Variants in SLC22A16 observed in about 807,000 individuals in gnomAD.
SLC22A16 encodes the protein WUGSC:RG331P03.1.
SLC22A16 carries 53 observed loss-of-function variants against 52.9 expected under a neutral mutation model. The observed-to-expected ratio is 1.00, with a 90% CI of 0.80 to 1.26. SLC22A16 has a LOEUF of 1.26. Among genes scored for constraint, SLC22A16 ranks in the 50% most tolerant of loss-of-function variants. The pLI is 0.00. For missense variants in SLC22A16, 726 were observed against 704.0 expected (o/e 1.03, Z -0.35); for synonymous variants, 291 against 268.8 (o/e 1.08, Z -0.81).
intron 7 of SLC22A16, among the ~76,000 whole-genome samples, chr6:110,427,194 G>A (rs1284960639): frequency 7.8e-5 from 11 of 141,848 alleles, no homozygotes; most frequent in Admixed American, 5.3e-4. Flanking sequence ...GTTGCATTGA[G>A]CCAAGATTGC....
intron 1 of SLC22A16, chr6:110,476,274 G>A: frequency 8.1e-7 from 1 of 1,239,362 alleles, no homozygotes; most frequent in Non-Finnish European, 1.1e-6. Flanking sequence ...CCTCCTGCCC[G>A]GCAACAGGCG....
At chr6:110,473,383 T>A (rs1776326587) in intron 1 of SLC22A16, among the ~76,000 whole-genome samples, 1 of 151,410 alleles carries the variant, frequency 6.6e-6, no homozygotes, top group African/African-American at 2.4e-5. Context: ...TTCAGTCTTC[T>A]CAATTTCTTT....
chr6:110,437,309 A>G (rs987711805), intron 5 of SLC22A16, among the ~76,000 whole-genome samples: 1 of 152,222 alleles, frequency 6.6e-6, no homozygotes, highest in East Asian at 1.9e-4. Context: ...CTTCCCTATT[A>G]GTGTAGAACT....
chr6:110,474,833 A>G, intron 1 of SLC22A16: 1 of 477,084 alleles, frequency 2.1e-6, no homozygotes, highest in South Asian at 1.6e-5. Context: ...CATTTGAGGA[A>G]TCTGTTTGAT....
chr6:110,456,810 C>T lies in SLC22A16; in HGVS notation c.261G>A (p.Thr87=), dbSNP rs535206254. ...LLSSGQKDYV[T]VQLQNGEIWE... is the part of the protein sequence containing the mutation. The stretch of plus-strand genomic sequence containing the variant: ...AGATCTCACCATTCTGCAACTGCAC[C>T]GTAACATAATCTTTCTGGCCTGAAG... Residue 87 remains threonine (T), a synonymous_variant, in exon 2 of 8, where the codon ACG becomes ACA. Transcript: ENST00000368919. 4.0e-5 allele frequency: 64 copies of T among 1,614,140 alleles called. 1 individual carries two copies. Among genetic ancestry groups the T allele is most frequent in the African/African-American group, 2.3e-4 (17 of 75,008 alleles).
chr6:110,471,210 A>T (rs1024760257), intron 1 of SLC22A16, among the ~76,000 whole-genome samples: 1 of 152,174 alleles, frequency 6.6e-6, no homozygotes, highest in Non-Finnish European at 1.5e-5. Context: ...AATACTTCCC[A>T]TTGTGTTACA....
In SLC22A16 at chr6:110,446,906, G is replaced by A. The variant is rs549268080; in HGVS notation, c.618C>T (p.Tyr206=). Reference sequence around the variant, plus strand: ...GAAAAAAGCGAGCAGCCATGAAGGTGTAATAATCAACTGCAAACGCCGCTG... The same window carrying A: ...GAAAAAAGCGAGCAGCCATGAAGGTATAATAATCAACTGCAAACGCCGCTG... ...GIAAAFAVDY[Y]TFMAARFFLA... is the part of the protein sequence containing the mutation. Residue 206 remains tyrosine, a synonymous_variant, in exon 3 of 8, where the codon TAC becomes TAT. Transcript: ENST00000368919. The A allele has an allele frequency of 9.9e-6, 16 of 1,613,030 alleles. No individual in the cohort carries two copies. The African/African-American group carries it at 1.6e-4, about 16-fold the overall frequency.
At chr6:110,442,099 T>C in intron 4 of SLC22A16, 145 bp downstream of exon 4, 1 of 729,276 alleles carries the variant, frequency 1.4e-6, no homozygotes, top group Non-Finnish European at 2.2e-6. Context: ...GATATCATAA[T>C]AATATGGTTG....
At chr6:110,446,683 A>C (rs1447843418) in intron 3 of SLC22A16, among the ~76,000 whole-genome samples, 190 bp downstream of exon 3, 4 of 152,178 alleles carry the variant, frequency 2.6e-5, no homozygotes, top group Non-Finnish European at 2.9e-5. Flanking sequence ...AGCCAGCAAC[A>C]ATTTTTCACT....
In SLC22A16 at chr6:110,438,734, T is replaced by A. The variant is rs1425887034; in HGVS notation, c.1297A>T (p.Met433Leu). The change falls in exon 5 of 8, where the codon ATG (methionine) becomes TTG (leucine). Residue 433 changes from methionine (M) to leucine (L), a missense_variant. Met to Leu is a conservative substitution (Grantham distance 15, BLOSUM62 2). Transcript: ENST00000368919. The stretch of plus-strand genomic sequence containing the variant: ...AGATAACTCACCTGGGGGATCACCA[T>A]AACGACACCACAGGCCAGTGCACTG... The part of the protein sequence containing the change: ...FCSALACGVV[M>L]VIPQKHYILG... 3.1e-6 allele frequency: 5 copies of A among 1,613,490 alleles called. 1 individual carries two copies. The South Asian group carries it at 3.3e-5, about 11-fold the overall frequency.
intron 2 of SLC22A16, among the ~76,000 whole-genome samples, chr6:110,450,664 A>T (rs1229518370): frequency 1.3e-5 from 2 of 150,002 alleles, no homozygotes; most frequent in Non-Finnish European, 3.0e-5. Context: ...TGAAATTGTC[A>T]GTTCAAAAGT....
intron 3 of SLC22A16, among the ~76,000 whole-genome samples, chr6:110,444,051 T>A (rs1009654874): frequency 2.6e-5 from 4 of 152,158 alleles, no homozygotes; most frequent in African/African-American, 9.7e-5. Flanking sequence ...TGGTGATAAT[T>A]GCACCACAGT....
chr6:110,464,314 A>G (rs545893593), intron 1 of SLC22A16, among the ~76,000 whole-genome samples: 6 of 152,202 alleles, frequency 3.9e-5, no homozygotes, highest in Admixed American at 2.6e-4. Flanking sequence ...TTTGATCTCA[A>G]TTAAATTGAA....
chr6:110,476,589 C>G lies in SLC22A16; in HGVS notation c.-15G>C. On this transcript the variant is annotated 5_prime_UTR_variant, in exon 1 of 8. Coordinates refer to ENST00000368919, the MANE Select transcript of SLC22A16 (RefSeq NM_033125.4). ...CGGGACCCCATGGTGCGGCCGTGCA[C>G]TGGGCGCCGAGTTAGCCGAGCTCCG... The G allele has an allele frequency of 6.5e-7, 1 of 1,528,020 alleles. No individual in the cohort carries two copies. The highest frequency in any genetic ancestry group is 8.8e-7 in the Non-Finnish European group (1 of 1,138,842). The allele number at this position is 1,528,020 out of a possible 1,614,324, so 94.7% of individuals were successfully genotyped here.
chr6:110,432,019 A>G (rs1774526479), intron 6 of SLC22A16, among the ~76,000 whole-genome samples: 1 of 152,104 alleles, frequency 6.6e-6, no homozygotes, highest in African/African-American at 2.4e-5. Context: ...AACTTTTTAG[A>G]GTCAAGGAAT....
In SLC22A16 at chr6:110,463,971, T is replaced by C. The variant is rs1186289172; in HGVS notation, c.54-6954A>G. On this transcript the variant is annotated intron_variant, in intron 1 of 7. Transcript: ENST00000368919. ...TTCCCAGACCACAGAGGAATAAAAT[T>C]AGAAATCAATACCAAGAGAAACTCT... Among the ~76,000 whole-genome samples, 14 of 148,626 alleles carry C rather than the reference T, an allele frequency of 9.4e-5. No homozygotes were observed. In the East Asian group the frequency reaches 2.7e-3, roughly 29 times the overall value.
intron 7 of SLC22A16, among the ~76,000 whole-genome samples, chr6:110,429,855 G>A (rs997476749): frequency 2.0e-5 from 3 of 152,124 alleles, no homozygotes; most frequent in Admixed American, 6.6e-5. Flanking sequence ...CATGAGAGAG[G>A]AGCGCTGTCT....
intron 2 of SLC22A16, among the ~76,000 whole-genome samples, chr6:110,452,736 T>A (rs1006439954): frequency 1.4e-4 from 21 of 152,244 alleles, no homozygotes; most frequent in African/African-American, 5.1e-4. Context: ...ATATTCATGG[T>A]AAACCTTATT....
chr6:110,472,093 A>T (rs1168766745), intron 1 of SLC22A16, among the ~76,000 whole-genome samples: 1 of 152,138 alleles, frequency 6.6e-6, no homozygotes, highest in Non-Finnish European at 1.5e-5. Context: ...CCAATCTCAA[A>T]CTGAGCTCGA....
Sources: allele counts gnomAD v4.1 joint callset (sites outside exome capture counted in the v4.1 genomes callset), GRCh38; gene constraint gnomAD v4.1.1; transcripts MANE v1.5; gene names NCBI Gene and HGNC (gene_info 2026-07-23, HGNC 2026-07-21).